The following ANGPT2 variants were observed in gnomAD, a reference collection of about 807,000 sequenced individuals.
ANGPT2 encodes the protein angiopoietin-2.
ANGPT2 carries 28 observed loss-of-function variants against 62.9 expected under a neutral mutation model. That is an observed-to-expected ratio of 0.44 (90% CI 0.33 to 0.61). The LOEUF (loss-of-function observed/expected upper bound fraction) is 0.61. Among genes scored for constraint, ANGPT2 ranks in the 20% least tolerant of loss-of-function variants. The pLI is 0.03. For synonymous variants in ANGPT2, 284 were observed against 207.8 expected, an observed-to-expected ratio of 1.37 and a Z score of -3.15; for missense variants, 727 against 594.9, an observed-to-expected ratio of 1.22 and a Z score of -2.31.
At chr8:6,537,352 G>C (rs912389756) in intron 1 of ANGPT2, among the ~76,000 whole-genome samples, 2 of 151,878 alleles carry the variant, frequency 1.3e-5, no homozygotes, top group African/African-American at 4.8e-5. Flanking sequence ...TGGGGCCTTG[G>C]GCTGTTCTTC....
At chr8:6,556,705 C>T (rs2515504) in intron 1 of ANGPT2, among the ~76,000 whole-genome samples, 106,675 of 151,872 alleles carry the variant, frequency 0.7, 40,660 homozygotes, top group Non-Finnish European at 0.85. Flanking sequence ...CCTTGACCTC[C>T]TGGGCTCAGG....
intron 1 of ANGPT2, among the ~76,000 whole-genome samples, chr8:6,550,866 G>C (rs1445700086): frequency 1.3e-5 from 2 of 152,200 alleles, no homozygotes; most frequent in Admixed American, 6.5e-5. Context: ...TGCCACCACA[G>C]TGATGGTCAG....
At chr8:6,555,450 G>A (rs938750718) in intron 1 of ANGPT2, among the ~76,000 whole-genome samples, 8 of 139,378 alleles carry the variant, frequency 5.7e-5, no homozygotes, top group East Asian at 2.0e-4. Context: ...TTTGTTTTAC[G>A]GGGGGTGGTT....
chr8:6,529,910 A>C (rs1819138763), intron 2 of ANGPT2, among the ~76,000 whole-genome samples: 1 of 151,828 alleles, frequency 6.6e-6, no homozygotes, highest in South Asian at 2.1e-4. Flanking sequence ...ATGACGCAAC[A>C]CAAGTACATC....
chr8:6,522,333 C>T (rs368705534), intron 3 of ANGPT2, among the ~76,000 whole-genome samples: 23 of 150,876 alleles, frequency 1.5e-4, no homozygotes, highest in East Asian at 1.4e-3. Context: ...CCAGCCTGGG[C>T]GACAGAGCGA....
At chr8:6,522,934 A>C (rs1817640606) in intron 3 of ANGPT2, among the ~76,000 whole-genome samples, 1 of 152,166 alleles carries the variant, frequency 6.6e-6, no homozygotes. Context: ...TAAAAAATCT[A>C]ACCAGCGCTA....
At chr8:6,555,005 C>T (rs1355409763) in intron 1 of ANGPT2, among the ~76,000 whole-genome samples, 1 of 152,162 alleles carries the variant, frequency 6.6e-6, no homozygotes, top group Non-Finnish European at 1.5e-5. Context: ...AGAGTCCAGG[C>T]AGTGGTAGGC....
chr8:6,522,954 C>T (rs1326775739), intron 3 of ANGPT2, among the ~76,000 whole-genome samples: 2 of 151,952 alleles, frequency 1.3e-5, no homozygotes, highest in Non-Finnish European at 2.9e-5. Context: ...ATGGCATGTA[C>T]TTAATACATA....
chr8:6,503,237 G>A lies in ANGPT2; in HGVS notation c.1352C>T (p.Pro451Leu). The A allele has an allele frequency of 6.2e-7, 1 of 1,614,102 alleles. No homozygotes were observed. Among genetic ancestry groups the A allele is most frequent in the Non-Finnish European group, 8.5e-7 (1 of 1,180,024 alleles). ...TGGWWFDACG[P>L]SNLNGMYYPQ... is the part of the protein sequence containing the mutation. ...ATAGTACATTCCGTTCAAGTTGGAA[G>A]GACCACATGCATCAAACCACCAGCC... Residue 451 changes from proline to leucine, a missense_variant, in exon 9 of 9, where the codon CCT becomes CTT. Physicochemically the swap from Pro to Leu is moderately conservative, Grantham distance 98. Coordinates refer to ENST00000629816, the MANE Select transcript of ANGPT2 (RefSeq NM_001118887.2).
At position 6,503,000 on chromosome 8, in the gene ANGPT2, C is replaced by A; in HGVS notation, c.*101G>T. 7.1e-7 allele frequency: 1 copy of A among 1,415,478 alleles called. No individual in the cohort carries two copies. Among genetic ancestry groups the A allele is most frequent in the Non-Finnish European group, 9.8e-7 (1 of 1,024,454 alleles). The allele number at this position is 1,415,478 out of a possible 1,614,324, so 87.7% of individuals were successfully genotyped here. A position where few individuals can be genotyped will look rare whatever the true frequency, so the allele number is the denominator to read the frequency against. ...CCCGTCAGCACCGAGCACACGCCCT[C>A]TGTGGTGGAAGAGGACACAGTGCGC... On this transcript the variant is annotated 3_prime_UTR_variant, in exon 9 of 9. Coordinates refer to ENST00000629816, the MANE Select transcript of ANGPT2 (RefSeq NM_001118887.2).
At chr8:6,521,079 A>C in intron 4 of ANGPT2, 99 bp downstream of exon 4, 1 of 824,398 alleles carries the variant, frequency 1.2e-6, no homozygotes. Context: ...ATATATGAGA[A>C]ATAGCGCCTT....
intron 1 of ANGPT2, among the ~76,000 whole-genome samples, chr8:6,533,785 C>T (rs1035260295): frequency 2.6e-5 from 4 of 151,962 alleles, no homozygotes; most frequent in African/African-American, 9.7e-5. Flanking sequence ...ATAGAGAAAC[C>T]ATTCGTGGAG....
At chr8:6,542,869 A>AG (rs1821864572) in intron 1 of ANGPT2, among the ~76,000 whole-genome samples, 1 of 152,194 alleles carries the variant, frequency 6.6e-6, no homozygotes, top group Non-Finnish European at 1.5e-5. Flanking sequence ...AAAAGGGAAA[A>AG]GGCTAGCGAA....
chr8:6,543,533 C>G (rs550453547), intron 1 of ANGPT2, among the ~76,000 whole-genome samples: 1 of 152,188 alleles, frequency 6.6e-6, no homozygotes, highest in East Asian at 1.9e-4. Flanking sequence ...GCGGAATAAA[C>G]CCGCCCAAAC....
chr8:6,531,399 C>T (rs1819486608), intron 2 of ANGPT2, among the ~76,000 whole-genome samples: 1 of 151,962 alleles, frequency 6.6e-6, no homozygotes, highest in African/African-American at 2.4e-5. Context: ...AGCAATTCTC[C>T]TGCCTCAGCC....
At chr8:6,514,883 G>C (rs1815945165) in intron 5 of ANGPT2, 105 bp from the exon 6 acceptor site, 2 of 884,702 alleles carry the variant, frequency 2.3e-6, no homozygotes, top group Admixed American at 2.0e-5. Flanking sequence ...TCAGCCGAGA[G>C]GGTTCTCTGG....
intron 3 of ANGPT2, among the ~76,000 whole-genome samples, chr8:6,522,574 G>A (rs144013578): frequency 1.9e-3 from 295 of 152,146 alleles, no homozygotes; most frequent in African/African-American, 7.0e-3. Context: ...AGGAGCTTGA[G>A]AGCAGGCTGG....
chr8:6,504,109 G>A (rs962159362), intron 8 of ANGPT2, among the ~76,000 whole-genome samples: 1 of 152,074 alleles, frequency 6.6e-6, no homozygotes, highest in Non-Finnish European at 1.5e-5. Context: ...ACGAGATCAG[G>A]AGACCGAGAC....
intron 1 of ANGPT2, among the ~76,000 whole-genome samples, chr8:6,539,025 G>T (rs1267235146): frequency 2.6e-5 from 2 of 76,532 alleles, no homozygotes; most frequent in Non-Finnish European, 5.9e-5. Context: ...TTTTAGAGTT[G>T]GGCTTGTGTG....
Sources: allele counts gnomAD v4.1 joint callset (sites outside exome capture counted in the v4.1 genomes callset), GRCh38; gene constraint gnomAD v4.1.1; transcripts MANE v1.5; gene names NCBI Gene and HGNC (gene_info 2026-07-23, HGNC 2026-07-21).